The following TBK1 variants were observed in gnomAD, a reference collection of about 807,000 sequenced individuals.
TBK1 encodes serine/threonine-protein kinase TBK1.
In TBK1, 37 loss-of-function variants were observed where a neutral mutation model predicts 99.9. The ratio of observed to expected loss-of-function variants is 0.37; its 90% CI spans 0.28 to 0.49. The LOEUF is 0.49. TBK1 is among the 20% of genes least tolerant of loss of function. The pLI is 0.98. For missense variants in TBK1, 644 were observed against 872.5 expected (o/e 0.74, Z 3.30); for synonymous variants, 258 against 279.8 (o/e 0.92, Z 0.78).
intron 20 of TBK1, among the ~76,000 whole-genome samples, chr12:64,499,058 T>TTTTTC (rs753957644): frequency 7.5e-6 from 1 of 133,234 alleles, no homozygotes; most frequent in Non-Finnish European, 1.6e-5. Context: ...TTTTTTTTTT[T>TTTTTC]CCCCCGAGAC....
intron 5 of TBK1, among the ~76,000 whole-genome samples, chr12:64,469,083 G>A (rs2040635354): frequency 6.6e-6 from 1 of 152,070 alleles, no homozygotes; most frequent in Non-Finnish European, 1.5e-5. Context: ...TGTCTGAGTT[G>A]TGACGTATGA....
At chr12:64,454,202 C>T (rs1033338743) in intron 1 of TBK1, among the ~76,000 whole-genome samples, 2 of 152,158 alleles carry the variant, frequency 1.3e-5, no homozygotes, top group Non-Finnish European at 2.9e-5. Flanking sequence ...ATATCACTCT[C>T]ATCAACAAAG....
chr12:64,464,053 C>G (rs1212918941), intron 3 of TBK1, among the ~76,000 whole-genome samples: 1 of 151,758 alleles, frequency 6.6e-6, no homozygotes, highest in African/African-American at 2.4e-5. Flanking sequence ...TAGTAGAGAC[C>G]GGGTTTCAGC....
intron 20 of TBK1, 80 bp from the exon 21 acceptor site, chr12:64,501,250 A>G: frequency 3.7e-6 from 5 of 1,340,062 alleles, no homozygotes; most frequent in Admixed American, 3.9e-5. Context: ...ATTCCTCTGA[A>G]AAGTATTTTA....
At chr12:64,493,143 G>A (rs889371398) in intron 13 of TBK1, among the ~76,000 whole-genome samples, 2 of 150,910 alleles carry the variant, frequency 1.3e-5, no homozygotes, top group Admixed American at 6.6e-5. Flanking sequence ...ATCTGCCCAC[G>A]TCGGCCTCCC....
At chr12:64,469,904 C>T (rs937233874) in intron 5 of TBK1, among the ~76,000 whole-genome samples, 3 of 152,086 alleles carry the variant, frequency 2.0e-5, no homozygotes, top group Non-Finnish European at 4.4e-5. Flanking sequence ...GCCAAAGCCA[C>T]AGTAGATGAA....
intron 9 of TBK1, 121 bp downstream of exon 9, chr12:64,484,620 C>CT: frequency 2.2e-6 from 2 of 923,020 alleles, no homozygotes; most frequent in Non-Finnish European, 1.6e-6. Context: ...GGCATGGTGG[C>CT]TTGCACCTGT....
chr12:64,468,236 T>C (rs962090411), intron 5 of TBK1, among the ~76,000 whole-genome samples: 1 of 152,176 alleles, frequency 6.6e-6, no homozygotes, highest in Non-Finnish European at 1.5e-5. Flanking sequence ...GGCTCATGCC[T>C]GTAATCCCAG....
rs142323145 is a variant in TBK1, at chr12:64,499,095, G to A, written c.2138+1056G>A. 4.1e-3 allele frequency among the ~76,000 whole-genome samples: 544 copies of A among 131,600 alleles called. 4 individuals are homozygous for A. The highest frequency in any genetic ancestry group is 0.015 in the African/African-American group (515 of 33,620). The allele number at this position is 131,600 out of a possible 152,430, so 86.3% of individuals were successfully genotyped here. On this transcript the variant is annotated intron_variant, in intron 20 of 20. Transcript: ENST00000331710. The stretch of plus-strand genomic sequence containing the variant: ...GAGTTTCGCTGTTGCCCAGGCTGGA[G>A]TCCAATGGCGTGATCTCAGCTCACT...
intron 8 of TBK1, chr12:64,484,050 G>T: frequency 4.4e-6 from 1 of 229,398 alleles, no homozygotes; most frequent in East Asian, 9.6e-5. Context: ...CACACACACA[G>T]AGGAAAGAAA....
chr12:64,473,701 A>G (rs537069306), intron 5 of TBK1, among the ~76,000 whole-genome samples: 5 of 152,186 alleles, frequency 3.3e-5, no homozygotes, highest in Admixed American at 2.6e-4. Flanking sequence ...CAAGGCTCTT[A>G]AGGTCCTCAA....
Position 64,485,493 on chromosome 12 carries a change from G to C in TBK1, c.1228G>C (p.Gly410Arg). 1.3e-6 allele frequency: 2 copies of C among 1,557,250 alleles called. No individual in the cohort carries two copies. Among genetic ancestry groups the C allele is most frequent in the Non-Finnish European group, 8.8e-7 (1 of 1,139,880 alleles). The stretch of plus-strand genomic sequence containing the variant: ...AGTACATCCACGTTATGATTTAGAC[G>C]GGGATGCTAGCATGGCTAAGGTTAG... Reference protein sequence around the residue: ...PKVHPRYDLDGDASMAKAITG... With the variant: ...PKVHPRYDLDRDASMAKAITG... Residue 410 changes from glycine (G) to arginine (R), a missense_variant, in exon 10 of 21, where the codon GGG becomes CGG. Gly to Arg is a moderately radical substitution (Grantham distance 125, BLOSUM62 -2). Transcript: ENST00000331710.
intron 5 of TBK1, among the ~76,000 whole-genome samples, chr12:64,472,201 T>C (rs1313460958): frequency 6.6e-6 from 1 of 151,702 alleles, no homozygotes; most frequent in Non-Finnish European, 1.5e-5. Context: ...CATTCTGATT[T>C]CTCATTAAAA....
At chr12:64,467,167 A>G (rs2040614832) in intron 5 of TBK1, 85 bp downstream of exon 5, 10 of 1,070,386 alleles carry the variant, frequency 9.3e-6, no homozygotes, top group East Asian at 2.8e-5. Flanking sequence ...CCAATTCACT[A>G]TAAAATGTCA....
At chr12:64,472,994 A>C (rs2040676893) in intron 5 of TBK1, among the ~76,000 whole-genome samples, 1 of 152,144 alleles carries the variant, frequency 6.6e-6, no homozygotes, top group Non-Finnish European at 1.5e-5. Context: ...GATTCTAGAG[A>C]ATTTAATTTC....
At chr12:64,481,684 C>G (rs568091990) in intron 7 of TBK1, among the ~76,000 whole-genome samples, 158 bp from the exon 8 acceptor site, 3 of 152,220 alleles carry the variant, frequency 2.0e-5, no homozygotes, top group African/African-American at 7.2e-5. Context: ...TGAAGGTTAC[C>G]TAGCTTTCTG....
chr12:64,469,818 TC>T (rs1433019788), intron 5 of TBK1, among the ~76,000 whole-genome samples: 2 of 152,158 alleles, frequency 1.3e-5, no homozygotes, highest in East Asian at 3.9e-4. Context: ...AACCCCACTT[TC>T]TGTAAGAACA....
chr12:64,470,313 GA>G, intron 5 of TBK1, among the ~76,000 whole-genome samples: 2 of 152,014 alleles, frequency 1.3e-5, no homozygotes, highest in South Asian at 4.2e-4. Context: ...TAATGTAAAG[GA>G]ACATATTTTA....
At chr12:64,497,376 A>G in intron 18 of TBK1, 117 bp downstream of exon 18, 1 of 765,902 alleles carries the variant, frequency 1.3e-6, no homozygotes, top group Non-Finnish European at 2.0e-6. Flanking sequence ...CCAATTTTTA[A>G]TATGTATTTT....
Sources: allele counts gnomAD v4.1 joint callset (sites outside exome capture counted in the v4.1 genomes callset), GRCh38; gene constraint gnomAD v4.1.1; transcripts MANE v1.5; gene names NCBI Gene and HGNC (gene_info 2026-07-23, HGNC 2026-07-21).